Variants in CAMKMT observed in about 807,000 individuals in gnomAD.
CAMKMT encodes the protein calmodulin-lysine N-methyltransferase, also known as CaM KMT.
CAMKMT carries 53 observed loss-of-function variants against 48.0 expected under a neutral mutation model. That is an observed-to-expected ratio of 1.10 (90% CI 0.89 to 1.39). The LOEUF (loss-of-function observed/expected upper bound fraction) is 1.39, where lower values mean the gene tolerates loss of function less well. CAMKMT is among the 40% of genes most tolerant of loss of function. The pLI is 0.00. For synonymous variants in CAMKMT, 165 were observed against 152.3 expected (o/e 1.08, Z -0.61); for missense variants, 428 against 402.7 (o/e 1.06, Z -0.54).
chr2:44,652,611 C>T (rs189660064), intron 3 of CAMKMT, among the ~76,000 whole-genome samples: 1 of 152,236 alleles, frequency 6.6e-6, no homozygotes, highest in African/African-American at 2.4e-5. Flanking sequence ...CTGCCTCCCC[C>T]TCTCCAAAGT....
chr2:44,474,200 C>G (rs977450872), intron 3 of CAMKMT, among the ~76,000 whole-genome samples: 1 of 152,002 alleles, frequency 6.6e-6, no homozygotes, highest in African/African-American at 2.4e-5. Flanking sequence ...AATCCCAGCA[C>G]TTTGGGAGGC....
chr2:44,402,322 C>CT (rs1682452842), intron 3 of CAMKMT, among the ~76,000 whole-genome samples: 1 of 40,312 alleles, frequency 2.5e-5, no homozygotes, highest in African/African-American at 5.3e-5. Context: ...CAGCAAGACT[C>CT]TGTCTAAAAA....
chr2:44,591,407 G>A (rs1340194883), intron 3 of CAMKMT, among the ~76,000 whole-genome samples: 1 of 151,970 alleles, frequency 6.6e-6, no homozygotes, highest in African/African-American at 2.4e-5. Context: ...TCTTCCATTT[G>A]TTTGTATCCT....
chr2:44,468,157 A>G (rs774451066), intron 3 of CAMKMT, among the ~76,000 whole-genome samples: 50 of 152,348 alleles, frequency 3.3e-4, no homozygotes, highest in Non-Finnish European at 6.0e-4. Flanking sequence ...TCAACAGCAA[A>G]AAAGCAAATA....
chr2:44,447,549 G>T (rs1667069783), intron 3 of CAMKMT, among the ~76,000 whole-genome samples: 1 of 152,188 alleles, frequency 6.6e-6, no homozygotes, highest in African/African-American at 2.4e-5. Flanking sequence ...CATGTTGCAT[G>T]TTTATCTTGG....
intron 3 of CAMKMT, among the ~76,000 whole-genome samples, chr2:44,534,540 C>T (rs747509318): frequency 8.5e-5 from 13 of 152,134 alleles, no homozygotes; most frequent in Non-Finnish European, 1.2e-4. Flanking sequence ...AGTATCTTCT[C>T]AGATCACAAT....
At chr2:44,752,632 A>C (rs1680199821) in intron 8 of CAMKMT, among the ~76,000 whole-genome samples, 1 of 152,226 alleles carries the variant, frequency 6.6e-6, no homozygotes. Context: ...TCATTGATAA[A>C]GAACAGAAAT....
At chr2:44,520,607 G>C (rs1671056599) in intron 3 of CAMKMT, among the ~76,000 whole-genome samples, 1 of 152,156 alleles carries the variant, frequency 6.6e-6, no homozygotes, top group Non-Finnish European at 1.5e-5. Flanking sequence ...AATGGACTTA[G>C]AGTCAGAGAA....
At chr2:44,656,390 G>A (rs1674379483) in intron 3 of CAMKMT, among the ~76,000 whole-genome samples, 2 of 151,512 alleles carry the variant, frequency 1.3e-5, no homozygotes, top group Admixed American at 6.6e-5. Flanking sequence ...AAATAATGCT[G>A]CTTCTGAAAG....
intron 3 of CAMKMT, among the ~76,000 whole-genome samples, chr2:44,582,336 A>G (rs1444508718): frequency 2.0e-5 from 3 of 152,374 alleles, no homozygotes; most frequent in East Asian, 1.9e-4. Context: ...TAACAGTGCA[A>G]TGCCATAAAA....
At chr2:44,603,527 C>G (rs1671119783) in intron 3 of CAMKMT, among the ~76,000 whole-genome samples, 1 of 152,120 alleles carries the variant, frequency 6.6e-6, no homozygotes, top group Non-Finnish European at 1.5e-5. Flanking sequence ...ACTTTATTTG[C>G]TTTTGATTCT....
At chr2:44,665,162 C>G (rs1674893980) in intron 3 of CAMKMT, among the ~76,000 whole-genome samples, 1 of 152,128 alleles carries the variant, frequency 6.6e-6, no homozygotes, top group African/African-American at 2.4e-5. Context: ...CCTCTGCCTC[C>G]CGGGTTCAAG....
At chr2:44,521,688 C>A (rs532441312) in intron 3 of CAMKMT, among the ~76,000 whole-genome samples, 1 of 152,140 alleles carries the variant, frequency 6.6e-6, no homozygotes. Context: ...ATGTAGTAAT[C>A]TCCCTGCAGA....
At chr2:44,447,509 C>G (rs962194322) in intron 3 of CAMKMT, among the ~76,000 whole-genome samples, 3 of 152,194 alleles carry the variant, frequency 2.0e-5, no homozygotes, top group African/African-American at 7.2e-5. Context: ...CCCCCCCAAC[C>G]TCAGTGGCTT....
intron 3 of CAMKMT, among the ~76,000 whole-genome samples, chr2:44,417,077 A>G (rs572530665): frequency 1.3e-5 from 2 of 152,106 alleles, no homozygotes; most frequent in African/African-American, 4.8e-5. Flanking sequence ...GGGATTACAG[A>G]CATGTATCAT....
At chr2:44,494,125 A>G (rs983849295) in intron 3 of CAMKMT, among the ~76,000 whole-genome samples, 4 of 152,216 alleles carry the variant, frequency 2.6e-5, no homozygotes, top group African/African-American at 7.2e-5. Flanking sequence ...CATTCATTTT[A>G]TAGCAATTTT....
At chr2:44,631,136 C>G (rs12615184) in intron 3 of CAMKMT, among the ~76,000 whole-genome samples, 83,168 of 151,456 alleles carry the variant, frequency 0.55, 23,607 homozygotes, top group Middle Eastern at 0.66. Flanking sequence ...TCTCAGTAAA[C>G]TATCGCAAGA....
At chr2:44,440,687 A>G (rs933594046) in intron 3 of CAMKMT, among the ~76,000 whole-genome samples, 1 of 152,160 alleles carries the variant, frequency 6.6e-6, no homozygotes, top group African/African-American at 2.4e-5. Context: ...CAGGAATGAT[A>G]TAGAGTATTT....
intron 3 of CAMKMT, among the ~76,000 whole-genome samples, chr2:44,455,167 C>T (rs1000166942): frequency 3.3e-5 from 5 of 152,014 alleles, no homozygotes; most frequent in South Asian, 4.1e-4. Flanking sequence ...AATAATTAGT[C>T]GCATTTGGTT....
Sources: allele counts gnomAD v4.1 joint callset (sites outside exome capture counted in the v4.1 genomes callset), GRCh38; gene constraint gnomAD v4.1.1; transcripts MANE v1.5; gene names NCBI Gene and HGNC (gene_info 2026-07-23, HGNC 2026-07-21).